The following PLS3 variants were observed in gnomAD, a reference collection of about 807,000 sequenced individuals.
The protein encoded by PLS3 is plastin-3.
PLS3 carries 11 observed loss-of-function variants against 46.5 expected under a neutral mutation model. The ratio of observed to expected loss-of-function variants is 0.24; its 90% confidence interval spans 0.15 to 0.39. The LOEUF (loss-of-function observed/expected upper bound fraction) is 0.39, where lower values mean the gene tolerates loss of function less well. Ranked by LOEUF, PLS3 falls within the 10% of genes least tolerant of loss-of-function variation. PLS3 has a pLI of 1.00. For synonymous variants in PLS3, 167 were observed against 162.2 expected (o/e 1.03, Z -0.22); for missense variants, 308 against 461.8 (o/e 0.67, Z 3.05).
chrX:115,647,372 G>C (rs183589745), intron 13 of PLS3, among the ~76,000 whole-genome samples, 178 bp from the exon 14 acceptor site: 64 of 112,324 alleles, frequency 5.7e-4, no homozygotes, highest in East Asian at 5.6e-3. Flanking sequence ...GGCGGAGCTT[G>C]CAGTGAGCAG....
At position 115,624,278 on chromosome X, in the gene PLS3, G is replaced by C. The variant is rs995989870; in HGVS notation, c.237+1869G>C. 4.0e-5 allele frequency: 4 copies of C among 99,585 alleles called. No individual in the cohort carries two copies. In the East Asian group the frequency reaches 9.8e-4, roughly 24 times the overall value. The allele number at this position is 99,585 out of a possible 1,213,427, so 8.2% of individuals were successfully genotyped here. On this transcript the variant is annotated intron_variant, in intron 3 of 15. Transcript: ENST00000355899. ...AGCAGACTTGTGTCATAATTATAATGATATCGTTCCTGCCGTTTTCTTTTG... is the reference window on the plus strand; with the variant it reads ...AGCAGACTTGTGTCATAATTATAATCATATCGTTCCTGCCGTTTTCTTTTG...
intron 1 of PLS3, among the ~76,000 whole-genome samples, chrX:115,606,097 G>A (rs1440902954): frequency 9.6e-6 from 1 of 104,273 alleles, no homozygotes. Flanking sequence ...GCGGGGGGCA[G>A]GAATGGTTTA....
chrX:115,603,443 G>C (rs1556634878), intron 1 of PLS3, among the ~76,000 whole-genome samples: 1 of 111,867 alleles, frequency 8.9e-6, no homozygotes, highest in Non-Finnish European at 1.9e-5. Context: ...GGAGGAAACA[G>C]AATTTGGGAC....
intron 3 of PLS3, among the ~76,000 whole-genome samples, chrX:115,624,040 C>G (rs1383663558): frequency 9.0e-6 from 1 of 110,733 alleles, no homozygotes; most frequent in Non-Finnish European, 1.9e-5. Flanking sequence ...GCCATACTGG[C>G]CAACATGGTG....
chrX:115,610,479 TTTTA>T (rs1277832017), intron 2 of PLS3, among the ~76,000 whole-genome samples, 156 bp downstream of exon 2: 1 of 109,831 alleles, frequency 9.1e-6, no homozygotes, highest in African/African-American at 3.3e-5. Context: ...CTTAAAATTG[TTTTA>T]TTTCTTTTTT....
At chrX:115,623,465 G>C (rs1391030701) in intron 3 of PLS3, among the ~76,000 whole-genome samples, 1 of 111,830 alleles carries the variant, frequency 8.9e-6, no homozygotes, top group Non-Finnish European at 1.9e-5. Flanking sequence ...AGGCTGCAGT[G>C]AGCTGTGATA....
chrX:115,586,770 C>G (rs1556632514), intron 1 of PLS3, among the ~76,000 whole-genome samples: 1 of 111,378 alleles, frequency 9.0e-6, no homozygotes, highest in Non-Finnish European at 1.9e-5. Context: ...GAACCTGATT[C>G]AGCAAAATGT....
At position 115,630,686 on chromosome X, in the gene PLS3, A is replaced by AATATATAC. The variant is rs1181863122; in HGVS notation, c.500+727_500+734dup. 4.1e-5 allele frequency among the ~76,000 whole-genome samples: 4 copies of AATATATAC among 97,106 alleles called. No individual in the cohort carries two copies. The East Asian group carries it at 1.2e-3, about 29-fold the overall frequency. 84.3% of individuals were successfully genotyped at this position (97,106 alleles called of 115,157 possible). Reference sequence around the variant, plus strand: ...ATTTCAGATAACTATATATATATAAAATATATACATATATATGTATATATA... The same window carrying AATATATAC: ...ATTTCAGATAACTATATATATATAAAATATATACATATATACATATATATGTATATATA... On this transcript the variant is annotated intron_variant, in intron 5 of 15. Coordinates refer to ENST00000355899, the MANE Select transcript of PLS3 (RefSeq NM_005032.7).
chrX:115,640,210 C>T, intron 8 of PLS3, 198 bp from the exon 9 acceptor site: 2 of 772,058 alleles, frequency 2.6e-6, no homozygotes, highest in Non-Finnish European at 3.8e-6. Flanking sequence ...ATGTCAAAAT[C>T]CAGTTCATCC....
chrX:115,641,736 G>T (rs996634978), intron 9 of PLS3, among the ~76,000 whole-genome samples: 1 of 110,813 alleles, frequency 9.0e-6, no homozygotes, highest in Non-Finnish European at 1.9e-5. Context: ...TATGCTAACC[G>T]ATTCTGATAC....
chrX:115,644,015 G>A (rs782101087), intron 10 of PLS3, among the ~76,000 whole-genome samples: 4 of 110,899 alleles, frequency 3.6e-5, no homozygotes, highest in Non-Finnish European at 7.5e-5. Context: ...GTCGCTTAAT[G>A]TAAAGCCACT....
rs148608302 is a variant in PLS3 at position 115,635,176 on chromosome X, G to A, written c.748+130G>A. On this transcript the variant is annotated intron_variant, in intron 7 of 15. Coordinates refer to ENST00000355899, the MANE Select transcript of PLS3 (RefSeq NM_005032.7). ...AGAATGAACATAAGGTAATGCTATA[G>A]AGTTATTCAGGAAAATAGCCTAATT... 17,130 of 513,750 alleles carry A rather than the reference G, an allele frequency of 0.033. 259 individuals carry two copies. The highest frequency in any genetic ancestry group is 0.038 in the Non-Finnish European group (12,151 of 317,107). 42.3% of individuals were successfully genotyped at this position (513,750 alleles called of 1,213,427 possible). A position where few individuals can be genotyped will look rare whatever the true frequency, so the allele number is the denominator to read the frequency against.
In PLS3 at chrX:115,600,718, A is replaced by G. The variant is rs147640413; in HGVS notation, c.-8-9525A>G. On this transcript the variant is annotated intron_variant, in intron 1 of 15. Transcript: ENST00000355899. ...GACTGTCCTCATATCCACTTATGTAACTATAGGGAGAAGTCTATAATTAAA... is the reference window on the plus strand; with the variant it reads ...GACTGTCCTCATATCCACTTATGTAGCTATAGGGAGAAGTCTATAATTAAA... Among the ~76,000 whole-genome samples the G allele has an allele frequency of 2.1e-3, 233 of 112,133 alleles. 4 individuals carry two copies. Among genetic ancestry groups the G allele is most frequent in the African/African-American group, 5.7e-3 (177 of 30,884 alleles).
chrX:115,601,354 C>A (rs1388900005), intron 1 of PLS3, among the ~76,000 whole-genome samples: 4 of 109,396 alleles, frequency 3.7e-5, no homozygotes, highest in African/African-American at 6.7e-5. Flanking sequence ...AAAGGTGGGA[C>A]CTCCTTTTGC....
intron 10 of PLS3, among the ~76,000 whole-genome samples, chrX:115,643,961 G>A (rs1461635587): frequency 9.0e-6 from 1 of 111,447 alleles, no homozygotes; most frequent in East Asian, 2.8e-4. Context: ...AACAGAGTAA[G>A]ACTCCATCTC....
At position 115,610,968 on chromosome X, in the gene PLS3, T is replaced by C. The variant is rs1569527823; in HGVS notation, c.73+645T>C. On this transcript the variant is annotated intron_variant, in intron 2 of 15. Transcript: ENST00000355899. ...TCCAAATTTTAGTGCTTGGGTCAAG[T>C]CTATAGACAATAATGAGAAAACAGG... 4.9e-6 allele frequency: 3 copies of C among 612,698 alleles called. No individual in the cohort carries two copies. The African/African-American group carries it at 6.7e-5, about 14-fold the overall frequency. 50.5% of individuals were successfully genotyped at this position (612,698 alleles called of 1,213,427 possible).
chrX:115,638,502 C>T (rs1264945474), intron 8 of PLS3, among the ~76,000 whole-genome samples: 1 of 110,853 alleles, frequency 9.0e-6, no homozygotes, highest in Admixed American at 9.7e-5. Flanking sequence ...ACCTCGGCCT[C>T]CTAAAATGCT....
intron 7 of PLS3, among the ~76,000 whole-genome samples, chrX:115,636,408 G>C (rs1311518582): frequency 1.8e-5 from 2 of 110,550 alleles, no homozygotes; most frequent in South Asian, 3.9e-4. Context: ...GGGTTTCAGC[G>C]TGTTAGCCAG....
intron 1 of PLS3, among the ~76,000 whole-genome samples, chrX:115,601,540 A>G (rs1054197138): frequency 9.2e-6 from 1 of 109,190 alleles, no homozygotes; most frequent in Admixed American, 9.8e-5. Flanking sequence ...GTAGATGACG[A>G]GTTAATGGGT....
Sources: allele counts gnomAD v4.1 joint callset (sites outside exome capture counted in the v4.1 genomes callset), GRCh38; gene constraint gnomAD v4.1.1; transcripts MANE v1.5; gene names NCBI Gene and HGNC (gene_info 2026-07-23, HGNC 2026-07-21).